FMNL1: variants seen among roughly 807,000 people sequenced by gnomAD.
FMNL1 encodes formin-like protein 1.
A neutral mutation model predicts 121.3 loss-of-function variants in FMNL1; 43 were observed. The ratio of observed to expected loss-of-function variants is 0.35; its 90% confidence interval spans 0.28 to 0.46. FMNL1 has a LOEUF of 0.46. Ranked by LOEUF, FMNL1 falls within the 20% of genes least tolerant of loss-of-function variation. The pLI is 1.00. For missense variants in FMNL1, 1,191 were observed against 1,482.4 expected (o/e 0.80, Z 3.23); for synonymous variants, 613 against 613.5 (o/e 1.00, Z 0.01).
intron 6 of FMNL1, 36 bp from the exon 7 acceptor site, chr17:45,236,100 C>T: frequency 6.4e-7 from 1 of 1,569,504 alleles, no homozygotes; most frequent in Non-Finnish European, 8.7e-7. Flanking sequence ...CTGGGGCTCA[C>T]TCTGACTCCT....
At chr17:45,232,227 A>T (rs1009327734) in intron 2 of FMNL1, 140 bp from the exon 3 acceptor site, 3 of 708,322 alleles carry the variant, frequency 4.2e-6, no homozygotes, top group Non-Finnish European at 7.4e-6. Flanking sequence ...TTGGGTTTAT[A>T]CCTTTGGTAT....
intron 1 of FMNL1, among the ~76,000 whole-genome samples, chr17:45,226,323 G>T (rs889229129): frequency 2.6e-4 from 39 of 152,236 alleles, no homozygotes; most frequent in African/African-American, 8.2e-4. Context: ...GCTGGTGGGG[G>T]GGTTCCCCAG....
chr17:45,245,138 G>A (rs2043800135), intron 21 of FMNL1, 30 bp downstream of exon 21: 2 of 1,611,810 alleles, frequency 1.2e-6, no homozygotes, highest in Non-Finnish European at 1.7e-6. Context: ...TTGGGTGTGG[G>A]GAGGGGCCGT....
chr17:45,223,214 A>T (rs2043265440), intron 1 of FMNL1, among the ~76,000 whole-genome samples: 1 of 152,050 alleles, frequency 6.6e-6, no homozygotes, highest in African/African-American at 2.4e-5. Flanking sequence ...TGACAGGCAA[A>T]ATGAGGCTGT....
chr17:45,237,242 G>C lies in FMNL1; in HGVS notation c.724-39G>C. 6.2e-7 allele frequency: 1 copy of C among 1,605,472 alleles called. No individual in the cohort carries two copies. The highest frequency in any genetic ancestry group is 8.5e-7 in the Non-Finnish European group (1 of 1,172,248). On this transcript the variant is annotated intron_variant, in intron 7 of 26. Coordinates refer to ENST00000331495, the MANE Select transcript of FMNL1 (RefSeq NM_005892.4). The surrounding 1 kb of genome is among the most constrained non-coding windows in gnomAD (Gnocchi z 4.4). ...GGCGTGGGTGCCTGAAGTCCTGGGGGGCCCTTCCTGGAGACACTGACCTCT... is the reference window on the plus strand; with the variant it reads ...GGCGTGGGTGCCTGAAGTCCTGGGGCGCCCTTCCTGGAGACACTGACCTCT...
intron 12 of FMNL1, chr17:45,240,925 C>T (rs2043675006): frequency 5.6e-6 from 4 of 713,126 alleles, no homozygotes; most frequent in Non-Finnish European, 9.3e-6. Context: ...CCTCTCCCTC[C>T]ACCTCCCGCA....
Position 45,239,081 on chromosome 17 carries a change from C to A in FMNL1, c.1080+16C>A. On this transcript the variant is annotated intron_variant, in intron 11 of 26. Coordinates refer to ENST00000331495, the MANE Select transcript of FMNL1 (RefSeq NM_005892.4). ...GTACTTGGAGGTAAGCCCTGTACTG[C>A]CCCCCAGACTGAACTGCCTGCCCAC... The A allele has an allele frequency of 6.3e-7, 1 of 1,592,358 alleles. No individual in the cohort carries two copies. The highest frequency in any genetic ancestry group is 8.6e-7 in the Non-Finnish European group (1 of 1,160,322).
chr17:45,241,804 A>G lies in FMNL1; in HGVS notation c.1586-43A>G. The G allele has an allele frequency of 3.6e-6, 5 of 1,402,996 alleles. No individual in the cohort carries two copies. Among genetic ancestry groups the G allele is most frequent in the Non-Finnish European group, 4.6e-6 (5 of 1,085,328 alleles). 86.9% of individuals were successfully genotyped at this position (1,402,996 alleles called of 1,614,324 possible). A position where few individuals can be genotyped will look rare whatever the true frequency, so the allele number is the denominator to read the frequency against. On this transcript the variant is annotated intron_variant, in intron 14 of 26. Transcript: ENST00000331495. This position sits in a 1 kb window ranked among gnomAD's most constrained non-coding sequence, Gnocchi z 7.0. ...GGAGAGGGGCCCACCCAAGTCAAGG[A>G]GCTGACTCGCGCCTCCCCCACGCCG...
intron 1 of FMNL1, among the ~76,000 whole-genome samples, chr17:45,223,571 C>T (rs2043272297): frequency 1.3e-5 from 2 of 152,200 alleles, no homozygotes; most frequent in Admixed American, 1.3e-4. Flanking sequence ...AGGCTGGCCC[C>T]TGACTTCTCC....
chr17:45,240,095 A>G (rs1247306333), intron 11 of FMNL1, among the ~76,000 whole-genome samples: 1 of 152,156 alleles, frequency 6.6e-6, no homozygotes, highest in African/African-American at 2.4e-5. Flanking sequence ...CCAGCTATCT[A>G]TGATTGCTTT....
intron 15 of FMNL1, 31 bp downstream of exon 15, chr17:45,242,177 G>T (rs1045880785): frequency 2.0e-6 from 3 of 1,528,882 alleles, no homozygotes; most frequent in Non-Finnish European, 1.8e-6. Context: ...TGGGCCCGGG[G>T]CTGGGGGGAG....
chr17:45,242,057 G>A lies in FMNL1; in HGVS notation c.1796G>A (p.Gly599Glu), dbSNP rs1567969752. ...PPPPPPPGTD[G>E]PVPPPPPPPP... is the part of the protein sequence containing the mutation. Reference sequence around the variant, plus strand: ...CCGCCACCACCTCCGGGCACTGACGGGCCGGTGCCTCCGCCGCCGCCGCCG... The same window carrying A: ...CCGCCACCACCTCCGGGCACTGACGAGCCGGTGCCTCCGCCGCCGCCGCCG... Residue 599 changes from glycine to glutamate, a missense_variant, in exon 15 of 27, where the codon GGG becomes GAG. By Grantham distance (98) the Gly-to-Glu change is moderately conservative. This residue lies in a region of FMNL1 where 519 missense variants were observed against 492.8 expected (regional missense o/e 1.05). Transcript: ENST00000331495. 1 of 1,495,580 alleles carries A rather than the reference G, an allele frequency of 6.7e-7. No individual in the cohort carries two copies. The highest frequency in any genetic ancestry group is 2.1e-5 in the Admixed American group (1 of 47,040). 92.6% of individuals were successfully genotyped at this position (1,495,580 alleles called of 1,614,324 possible).
At chr17:45,245,806 G>C in intron 23 of FMNL1, 72 bp from the exon 24 acceptor site, 2 of 1,606,844 alleles carry the variant, frequency 1.2e-6, no homozygotes, top group South Asian at 1.1e-5. Context: ...GGAGGGGTGG[G>C]GCTGCTTCTG....
At chr17:45,245,456 G>A (rs2034446652) in intron 22 of FMNL1, 40 bp downstream of exon 22, 3 of 1,613,418 alleles carry the variant, frequency 1.9e-6, no homozygotes, top group Admixed American at 3.3e-5. Flanking sequence ...GGGGCATGTA[G>A]GAGCACTAGA....
rs769623821 is a variant in FMNL1, at chr17:45,245,242, C to T, written c.2729-11C>T. 7.4e-6 allele frequency: 12 copies of T among 1,614,158 alleles called. No homozygotes were observed. The highest frequency in any genetic ancestry group is 1.0e-5 in the Non-Finnish European group (12 of 1,180,024). On this transcript the variant is annotated splice_polypyrimidine_tract_variant and intron_variant, in intron 21 of 26. Coordinates refer to ENST00000331495, the MANE Select transcript of FMNL1 (RefSeq NM_005892.4). ...ATTCACTGACCTGATACTGCCCCAT[C>T]CCTGGCCCAGTGTCCCTGGACAGTG...
Position 45,236,250 on chromosome 17 carries a change from C to T in FMNL1, c.723+6C>T, listed in dbSNP as rs368489127. 4 of 1,612,502 alleles carry T rather than the reference C, an allele frequency of 2.5e-6. No individual in the cohort carries two copies. The highest frequency in any genetic ancestry group is 3.4e-6 in the Non-Finnish European group (4 of 1,179,104). On this transcript the variant is annotated splice_donor_region_variant and intron_variant, in intron 7 of 26. Coordinates refer to ENST00000331495, the MANE Select transcript of FMNL1 (RefSeq NM_005892.4). ...GCGCCATCATGAACTACCAGGTCAGCCGAGGGGCATGGGACTGGCGACTAG... is the reference window on the plus strand; with the variant it reads ...GCGCCATCATGAACTACCAGGTCAGTCGAGGGGCATGGGACTGGCGACTAG...
In FMNL1 at chr17:45,238,600, G is replaced by A; in HGVS notation, c.931G>A (p.Glu311Lys). 6.2e-7 allele frequency: 1 copy of A among 1,614,212 alleles called. No homozygotes were observed. Among genetic ancestry groups the A allele is most frequent in the Non-Finnish European group, 8.5e-7 (1 of 1,180,022 alleles). ...GCAGCACCGCTTTGAAAAGCTGATGGAATATTTCCGGAATGAGGACAGCAA... is the reference window on the plus strand; with the variant it reads ...GCAGCACCGCTTTGAAAAGCTGATGAAATATTTCCGGAATGAGGACAGCAA... ...GEQHRFEKLM[E>K]YFRNEDSNID... The change falls in exon 10 of 27, where the codon GAA becomes AAA. Residue 311 changes from glutamate (E) to lysine (K), a missense_variant. Around this residue, in one of 4 missense-constraint regions of FMNL1, gnomAD observed 253 missense variants for 417.5 expected, o/e 0.61. Transcript: ENST00000331495.
Position 45,233,605 on chromosome 17 carries a change from G to A in FMNL1, c.402-43G>A, listed in dbSNP as rs755472300. 1.2e-6 allele frequency: 2 copies of A among 1,611,168 alleles called. No individual in the cohort carries two copies. The highest frequency in any genetic ancestry group is 2.2e-5 in the East Asian group (1 of 44,870). ...CCTGTTCTGTGCCCATGTGGGGCAGGACCTCCTTTCTGGCTGGAGCTCAGG... is the reference window on the plus strand; with the variant it reads ...CCTGTTCTGTGCCCATGTGGGGCAGAACCTCCTTTCTGGCTGGAGCTCAGG... On this transcript the variant is annotated intron_variant, in intron 4 of 26. Transcript: ENST00000331495. This position sits in a 1 kb window ranked among gnomAD's most constrained non-coding sequence, Gnocchi z 4.1.
intron 6 of FMNL1, among the ~76,000 whole-genome samples, chr17:45,235,514 T>C (rs566711764): frequency 6.6e-6 from 1 of 152,296 alleles, no homozygotes; most frequent in African/African-American, 2.4e-5. Flanking sequence ...GGGAATGTGA[T>C]AGAATCATCA....
Sources: allele counts gnomAD v4.1 joint callset (sites outside exome capture counted in the v4.1 genomes callset), GRCh38; gene constraint gnomAD v4.1.1; regional missense constraint gnomAD v4.1.1; non-coding constraint Gnocchi (gnomAD v3.1); transcripts MANE v1.5; gene names NCBI Gene and HGNC (gene_info 2026-07-23, HGNC 2026-07-21).